Variants in CACNA2D3 observed in about 807,000 individuals in gnomAD.
The protein encoded by CACNA2D3 is calcium voltage-gated channel auxiliary subunit alpha2delta 3, also known as voltage-dependent calcium channel subunit alpha-2/delta-3.
In CACNA2D3, 60 loss-of-function variants were observed where a neutral mutation model predicts 160.6. That is an observed-to-expected ratio of 0.37 (90% confidence interval 0.30 to 0.46). CACNA2D3 has a LOEUF of 0.46. CACNA2D3 is among the 20% of genes least tolerant of loss of function. The probability of loss-of-function intolerance (pLI) is 1.00; values close to 1 mark genes in which losing one functional copy is unlikely to be tolerated. For missense variants in CACNA2D3, 1,205 were observed against 1,365.0 expected (o/e 0.88, Z 1.85); for synonymous variants, 558 against 492.9 (o/e 1.13, Z -1.75).
intron 9 of CACNA2D3, among the ~76,000 whole-genome samples, chr3:54,595,326 GTGTGTGTGTGT>G (rs1702934656): frequency 6.6e-6 from 1 of 151,304 alleles, no homozygotes; most frequent in Admixed American, 6.6e-5. Flanking sequence ...GTGTGTGTGT[GTGTGTGTGTGT>G]GTGTGTGTGT....
chr3:55,024,956 T>C (rs1403961396), intron 35 of CACNA2D3, among the ~76,000 whole-genome samples: 2 of 152,240 alleles, frequency 1.3e-5, no homozygotes, highest in Non-Finnish European at 2.9e-5. Flanking sequence ...ACTGGTTTTA[T>C]AATGATTGAG....
At chr3:54,609,967 A>G (rs1467682449) in intron 9 of CACNA2D3, among the ~76,000 whole-genome samples, 1 of 152,170 alleles carries the variant, frequency 6.6e-6, no homozygotes, top group Non-Finnish European at 1.5e-5. Flanking sequence ...TTGGCAGGTC[A>G]TGCTTCCTCG....
chr3:54,284,965 G>A (rs367969901), intron 2 of CACNA2D3, among the ~76,000 whole-genome samples: 46 of 152,270 alleles, frequency 3.0e-4, no homozygotes, highest in South Asian at 1.7e-3. Flanking sequence ...GAAGATGGCC[G>A]AATAGGAACA....
At chr3:54,260,428 G>C (rs1427906046) in intron 2 of CACNA2D3, among the ~76,000 whole-genome samples, 2 of 152,164 alleles carry the variant, frequency 1.3e-5, no homozygotes, top group African/African-American at 4.8e-5. Flanking sequence ...TCATAACATG[G>C]CAGAAGGCAG....
chr3:54,714,339 C>T (rs1575436539), intron 11 of CACNA2D3, among the ~76,000 whole-genome samples: 2 of 152,238 alleles, frequency 1.3e-5, no homozygotes, highest in Middle Eastern at 3.4e-3. Flanking sequence ...TTATGGAGCA[C>T]GTTGTACCTC....
chr3:54,522,933 T>TTTATTTACTTACTTAC (rs1252705201), intron 5 of CACNA2D3, among the ~76,000 whole-genome samples: 16 of 135,432 alleles, frequency 1.2e-4, no homozygotes, highest in African/African-American at 3.7e-4. Flanking sequence ...TATTTATTTA[T>TTTATTTACTTACTTAC]TTACTTACTT....
rs1400259965 is a variant in CACNA2D3 at position 55,071,553 on chromosome 3, T to C, written c.2988-1892T>C. Among the ~76,000 whole-genome samples the C allele has an allele frequency of 2.0e-5, 3 of 152,034 alleles. No homozygotes were observed. In the East Asian group the frequency reaches 5.8e-4, roughly 29 times the overall value. On this transcript the variant is annotated intron_variant, in intron 35 of 37. Coordinates refer to ENST00000474759, the MANE Select transcript of CACNA2D3 (RefSeq NM_018398.3). ...CTCTCTTTTTTCCTCAGAACTTCTT[T>C]AAATATTTTACTCTGTTTCTTCATC... is the stretch of plus-strand genomic sequence containing the variant.
Position 54,402,452 on chromosome 3 carries a change from C to A in CACNA2D3, c.381+15678C>A, listed in dbSNP as rs78166849. ...AAGGAATGGAAGAAGATATTGCATGCAAATGGCAACCAAAAAAAAGAGCAG... is the reference window on the plus strand; with the variant it reads ...AAGGAATGGAAGAAGATATTGCATGAAAATGGCAACCAAAAAAAAGAGCAG... On this transcript the variant is annotated intron_variant, in intron 4 of 37. Transcript: ENST00000474759. Among the ~76,000 whole-genome samples, 884 of 152,016 alleles carry A rather than the reference C, an allele frequency of 5.8e-3. 5 individuals are homozygous for A. The highest frequency in any genetic ancestry group is 0.02 in the African/African-American group (820 of 41,472).
intron 4 of CACNA2D3, among the ~76,000 whole-genome samples, chr3:54,482,782 C>T (rs2106903115): frequency 6.6e-6 from 1 of 152,306 alleles, no homozygotes; most frequent in South Asian, 2.1e-4. Context: ...ACCTTTCATC[C>T]TGTAGCCATG....
intron 4 of CACNA2D3, among the ~76,000 whole-genome samples, chr3:54,475,274 A>C (rs769005888): frequency 2.6e-5 from 4 of 152,160 alleles, no homozygotes; most frequent in Admixed American, 2.0e-4. Flanking sequence ...TGTGCAACAA[A>C]TAGTCCTGAT....
At chr3:54,887,098 C>A (rs959648834) in intron 23 of CACNA2D3, among the ~76,000 whole-genome samples, 2 of 152,000 alleles carry the variant, frequency 1.3e-5, no homozygotes, top group Non-Finnish European at 2.9e-5. Flanking sequence ...ACCAAGAGTC[C>A]CTTTGGATGG....
chr3:54,465,971 C>A (rs1700616792), intron 4 of CACNA2D3, among the ~76,000 whole-genome samples: 2 of 152,024 alleles, frequency 1.3e-5, no homozygotes, highest in African/African-American at 2.4e-5. Flanking sequence ...GACTGAGGTC[C>A]CCCCTGCCTT....
rs1314258021 is a variant in CACNA2D3, at chr3:55,042,992, TTATC to T, written c.2987+24676_2987+24679del. 2.0e-5 allele frequency among the ~76,000 whole-genome samples: 3 copies of T among 152,180 alleles called. No homozygotes were observed. In the East Asian group the frequency reaches 5.8e-4, roughly 29 times the overall value. On this transcript the variant is annotated intron_variant, in intron 35 of 37. Coordinates refer to ENST00000474759, the MANE Select transcript of CACNA2D3 (RefSeq NM_018398.3). ...ACTGTATAAATGTATCATATTTTGT[TTATC>T]CATTATCCAGTAGAAGGACATTTGG...
intron 2 of CACNA2D3, among the ~76,000 whole-genome samples, chr3:54,225,152 G>C (rs903668652): frequency 1.3e-5 from 2 of 151,202 alleles, no homozygotes; most frequent in Non-Finnish European, 2.9e-5. Flanking sequence ...CCCTTCCTGT[G>C]TCCAGGTGTT....
At chr3:54,554,831 T>G (rs1204065963) in intron 5 of CACNA2D3, among the ~76,000 whole-genome samples, 1 of 151,600 alleles carries the variant, frequency 6.6e-6, no homozygotes, top group African/African-American at 2.4e-5. Flanking sequence ...AAGCCCCTCT[T>G]GAGACTTTAT....
At chr3:54,452,253 A>T (rs1211351346) in intron 4 of CACNA2D3, among the ~76,000 whole-genome samples, 1 of 152,220 alleles carries the variant, frequency 6.6e-6, no homozygotes, top group African/African-American at 2.4e-5. Context: ...GGCAGGCAAG[A>T]GAGCTTGTGC....
At chr3:54,884,125 G>A (rs978671348) in intron 21 of CACNA2D3, among the ~76,000 whole-genome samples, 1 of 152,098 alleles carries the variant, frequency 6.6e-6, no homozygotes, top group Non-Finnish European at 1.5e-5. Flanking sequence ...AAGTTGTTTG[G>A]TTGGGAAGAA....
At chr3:54,805,963 C>T (rs1703110618) in intron 13 of CACNA2D3, among the ~76,000 whole-genome samples, 1 of 152,236 alleles carries the variant, frequency 6.6e-6, no homozygotes, top group Admixed American at 6.5e-5. Flanking sequence ...ACATGATTAT[C>T]TCAATAGATG....
intron 13 of CACNA2D3, among the ~76,000 whole-genome samples, chr3:54,782,015 T>A (rs9856390): frequency 6.6e-6 from 1 of 152,224 alleles, no homozygotes; most frequent in Non-Finnish European, 1.5e-5. Flanking sequence ...GCAAGGCTCC[T>A]GCAGCATATT....
Sources: allele counts gnomAD v4.1 joint callset (sites outside exome capture counted in the v4.1 genomes callset), GRCh38; gene constraint gnomAD v4.1.1; transcripts MANE v1.5; gene names NCBI Gene and HGNC (gene_info 2026-07-23, HGNC 2026-07-21).